The following COG7 variants were observed in gnomAD, a reference collection of about 807,000 sequenced individuals.
The protein encoded by COG7 is conserved oligomeric Golgi complex subunit 7.
In COG7, 49 loss-of-function variants were observed where a neutral mutation model predicts 91.5. The observed-to-expected ratio is 0.54, with a 90% CI of 0.43 to 0.68. The LOEUF (loss-of-function observed/expected upper bound fraction) is 0.68. COG7 is among the 30% of genes least tolerant of loss of function. The probability of loss-of-function intolerance (pLI) is 0.00; values close to 1 mark genes in which losing one functional copy is unlikely to be tolerated. For synonymous variants in COG7, 365 were observed against 388.7 expected (o/e 0.94, Z 0.72); for missense variants, 895 against 961.3 (o/e 0.93, Z 0.91).
At chr16:23,450,455 TAAAC>T (rs956484323) in intron 1 of COG7, among the ~76,000 whole-genome samples, 4 of 152,164 alleles carry the variant, frequency 2.6e-5, no homozygotes, top group African/African-American at 9.7e-5. Context: ...TCGAGCAAGA[TAAAC>T]TTTTCCTCCC....
intron 7 of COG7, among the ~76,000 whole-genome samples, chr16:23,422,287 T>G (rs1963770575): frequency 6.6e-6 from 1 of 151,304 alleles, no homozygotes; most frequent in Non-Finnish European, 1.5e-5. Flanking sequence ...CACTCTAACC[T>G]GGGCGACAGA....
rs1172025296 is a variant in COG7 at position 23,423,231 on chromosome 16, G to A, written c.1009+1518C>T. Reference sequence around the variant, plus strand: ...AAAATACAAAAATTAGCCTGGTGTGGTGGCACACACCTGTAGTCCCAACTA... The same window carrying A: ...AAAATACAAAAATTAGCCTGGTGTGATGGCACACACCTGTAGTCCCAACTA... On this transcript the variant is annotated intron_variant, in intron 7 of 16. Coordinates refer to ENST00000307149, the MANE Select transcript of COG7 (RefSeq NM_153603.4). Among the ~76,000 whole-genome samples the A allele has an allele frequency of 2.0e-5, 3 of 151,752 alleles. No homozygotes were observed. In the East Asian group the frequency reaches 5.8e-4, roughly 29 times the overall value.
At chr16:23,390,454 T>C (rs1963175514) in intron 16 of COG7, among the ~76,000 whole-genome samples, 1 of 152,108 alleles carries the variant, frequency 6.6e-6, no homozygotes, top group Non-Finnish European at 1.5e-5. Context: ...TCCACCCACC[T>C]CAGCCTCCCA....
rs757032731 is a variant in COG7 at position 23,389,087 on chromosome 16, C to A, written c.2147-1G>T. The A allele has an allele frequency of 3.7e-6, 6 of 1,613,748 alleles. No homozygotes were observed. Among genetic ancestry groups the A allele is most frequent in the Middle Eastern group, 1.7e-4 (1 of 6,060 alleles). The stretch of plus-strand genomic sequence containing the variant: ...GCATCCATCACGTTGATCAGATAGT[C>A]TGTGGGGGCGGAGAGGAGACAGACA... On this transcript the variant is annotated splice_acceptor_variant, in intron 16 of 16. Coordinates refer to ENST00000307149, the MANE Select transcript of COG7 (RefSeq NM_153603.4). LOFTEE classifies it high-confidence loss of function.
chr16:23,420,761 C>T (rs1408532687), intron 7 of COG7, among the ~76,000 whole-genome samples: 3 of 151,938 alleles, frequency 2.0e-5, no homozygotes, highest in Admixed American at 1.3e-4. Context: ...CTTTTTTCTT[C>T]GAGACAGGAT....
chr16:23,424,785 C>A lies in COG7; in HGVS notation c.973G>T (p.Ala325Ser), dbSNP rs116804305. 4 of 1,614,196 alleles carry A rather than the reference C, an allele frequency of 2.5e-6. No homozygotes were observed. In the Admixed American group the frequency reaches 6.7e-5, roughly 27 times the overall value. ...LEFYDATAHFAKGLEMALLPH... is the reference protein window; with the variant it reads ...LEFYDATAHFSKGLEMALLPH... ...AGCAGTGCCATCTCCAAGCCCTTGGCGAAGTGGGCGGTGGCGTCGTAGAAC... is the reference window on the plus strand; with the variant it reads ...AGCAGTGCCATCTCCAAGCCCTTGGAGAAGTGGGCGGTGGCGTCGTAGAAC... Residue 325 changes from alanine (A) to serine (S), a missense_variant, in exon 7 of 17, where the codon GCC (alanine) becomes TCC (serine). Physicochemically the swap from Ala to Ser is moderately conservative, Grantham distance 99. Transcript: ENST00000307149.
chr16:23,411,329 A>G (rs1963557748), intron 10 of COG7, among the ~76,000 whole-genome samples: 1 of 152,200 alleles, frequency 6.6e-6, no homozygotes, highest in African/African-American at 2.4e-5. Context: ...AACCTTCTCT[A>G]AAAGTGCGCA....
chr16:23,398,101 G>A lies in COG7; in HGVS notation c.1832C>T (p.Thr611Ile). 1 of 1,614,156 alleles carries A rather than the reference G, an allele frequency of 6.2e-7. No homozygotes were observed. Among genetic ancestry groups the A allele is most frequent in the Non-Finnish European group, 8.5e-7 (1 of 1,180,014 alleles). The change falls in exon 14 of 17, where the codon ACC becomes ATC. Residue 611 changes from threonine to isoleucine, a missense_variant. Physicochemically the swap from Thr to Ile is moderately conservative, Grantham distance 89. Coordinates refer to ENST00000307149, the MANE Select transcript of COG7 (RefSeq NM_153603.4). ...DSWNTAGIGE[T>I]LTDELPAFSL... ...AAAGGCGGGCAGTTCATCTGTGAGG[G>A]TTTCTCCGATGCCAGCCGTATTCCA...
At position 23,388,876 on chromosome 16, in the gene COG7, A is replaced by G. The variant is rs2142055565; in HGVS notation, c.*44T>C. ...AGCAAATCTGTGCTGGTGAGTCGCG[A>G]AACAGCAGCCCTGGCTCTCTTGGTG... On this transcript the variant is annotated 3_prime_UTR_variant, in exon 17 of 17. Coordinates refer to ENST00000307149, the MANE Select transcript of COG7 (RefSeq NM_153603.4). 1.2e-6 allele frequency: 2 copies of G among 1,612,332 alleles called. No individual in the cohort carries two copies. The highest frequency in any genetic ancestry group is 1.7e-6 in the Non-Finnish European group (2 of 1,179,614).
intron 13 of COG7, among the ~76,000 whole-genome samples, chr16:23,401,588 G>C (rs1963378212): frequency 6.6e-6 from 1 of 152,096 alleles, no homozygotes; most frequent in African/African-American, 2.4e-5. Context: ...ACAGGAGAGA[G>C]ACAAAGAAAG....
Position 23,410,311 on chromosome 16 carries a change from G to A in COG7, c.1459C>T (p.Gln487Ter). 6.2e-7 allele frequency: 1 copy of A among 1,614,058 alleles called. No homozygotes were observed. Among genetic ancestry groups the A allele is most frequent in the Non-Finnish European group, 8.5e-7 (1 of 1,179,954 alleles). Residue 487 changes from glutamine (Q) to a stop codon, truncating the protein, a stop_gained, in exon 11 of 17, where the codon CAG (glutamine) becomes TAG (stop). Transcript: ENST00000307149. LOFTEE classifies it high-confidence loss of function. ...CTCTCCTACCTGTTGGCTAGCTGCT[G>A]CTCGAAGTCCCCACAATGCCGCAAA... Reference protein sequence around the residue: ...ELLRHCGDFEQQLANRILSTA... With the variant: ...ELLRHCGDFE
intron 4 of COG7, among the ~76,000 whole-genome samples, chr16:23,437,649 AG>A (rs1207554644): frequency 1.3e-5 from 2 of 151,016 alleles, no homozygotes; most frequent in African/African-American, 4.9e-5. Flanking sequence ...TTAAACAAGG[AG>A]GGGCTTCCAA....
At chr16:23,443,033 C>A (rs1382889979) in intron 3 of COG7, among the ~76,000 whole-genome samples, 14 of 142,668 alleles carry the variant, frequency 9.8e-5, no homozygotes, top group South Asian at 4.4e-4. Flanking sequence ...GACCCCGTCT[C>A]AAAAAAAAAA....
intron 7 of COG7, among the ~76,000 whole-genome samples, chr16:23,422,146 C>T (rs1359440075): frequency 6.6e-6 from 1 of 151,894 alleles, no homozygotes; most frequent in East Asian, 1.9e-4. Context: ...CCTGTCTCTA[C>T]AAAAAATTTT....
intron 10 of COG7, among the ~76,000 whole-genome samples, chr16:23,411,642 G>A (rs184289680): frequency 2.6e-4 from 40 of 152,196 alleles, no homozygotes; most frequent in African/African-American, 9.7e-4. Flanking sequence ...ATCCAGAACA[G>A]AGCCTGTGAG....
chr16:23,415,003 A>G (rs1963630127), intron 9 of COG7: 3 of 152,268 alleles, frequency 2.0e-5, no homozygotes, highest in Admixed American at 6.5e-5. Context: ...AGGCCACTCA[A>G]TGAACCAACT....
chr16:23,392,192 C>T (rs1334218594), intron 16 of COG7, 188 bp downstream of exon 16: 5 of 1,480,108 alleles, frequency 3.4e-6, no homozygotes, highest in South Asian at 2.6e-5. Flanking sequence ...AGCTTCAGCC[C>T]GGTCTTGCTA....
At chr16:23,449,141 A>T (rs1964225033) in intron 1 of COG7, among the ~76,000 whole-genome samples, 1 of 152,024 alleles carries the variant, frequency 6.6e-6, no homozygotes, top group African/African-American at 2.4e-5. Context: ...AGGCGAGTGG[A>T]TCACAAGGTC....
intron 9 of COG7, 38 bp downstream of exon 9, chr16:23,416,929 C>A: frequency 6.2e-7 from 1 of 1,613,686 alleles, no homozygotes; most frequent in Non-Finnish European, 8.5e-7. Flanking sequence ...GACACTGCTC[C>A]AATGTGGCCC....
Sources: allele counts gnomAD v4.1 joint callset (sites outside exome capture counted in the v4.1 genomes callset), GRCh38; gene constraint gnomAD v4.1.1; transcripts MANE v1.5; gene names NCBI Gene and HGNC (gene_info 2026-07-23, HGNC 2026-07-21).